The following MGAT4C variants were observed in gnomAD, a reference collection of about 807,000 sequenced individuals.
MGAT4C encodes the protein MGAT4 family member C.
A neutral mutation model predicts 40.1 loss-of-function variants in MGAT4C; 19 were observed. The observed-to-expected ratio is 0.47, with a 90% CI of 0.33 to 0.70. MGAT4C has a LOEUF of 0.70. Ranked by LOEUF, MGAT4C falls within the 30% of genes least tolerant of loss-of-function variation. The pLI is 0.02. For missense variants in MGAT4C, 491 were observed against 563.2 expected (o/e 0.87, Z 1.30); for synonymous variants, 181 against 187.1 (o/e 0.97, Z 0.27).
intron 3 of MGAT4C, among the ~76,000 whole-genome samples, chr12:86,431,370 C>T (rs1957035954): frequency 6.6e-6 from 1 of 152,098 alleles, no homozygotes. Context: ...AGTGGGCTTC[C>T]TGGAAAGCAT....
chr12:86,164,358 A>G (rs1885950454), intron 1 of MGAT4C, among the ~76,000 whole-genome samples: 1 of 152,206 alleles, frequency 6.6e-6, no homozygotes, highest in South Asian at 2.1e-4. Context: ...AATACTTTGC[A>G]AAACTGAAAC....
At chr12:85,997,224 C>T (rs1454977083) in intron 2 of MGAT4C, among the ~76,000 whole-genome samples, 1 of 152,170 alleles carries the variant, frequency 6.6e-6, no homozygotes, top group Non-Finnish European at 1.5e-5. Context: ...GACTTATTTA[C>T]TATCGTGAGA....
At chr12:86,244,897 G>A (rs1951959927) in intron 1 of MGAT4C, among the ~76,000 whole-genome samples, 1 of 152,158 alleles carries the variant, frequency 6.6e-6, no homozygotes, top group African/African-American at 2.4e-5. Flanking sequence ...AATTATAAGG[G>A]ACAGCATTTA....
intron 2 of MGAT4C, among the ~76,000 whole-genome samples, chr12:86,716,803 T>C (rs1397495473): frequency 1.3e-5 from 2 of 151,998 alleles, no homozygotes; most frequent in African/African-American, 4.8e-5. Context: ...TATTTGAAAG[T>C]TAAGTTGAGA....
intron 1 of MGAT4C, among the ~76,000 whole-genome samples, chr12:86,823,666 G>C (rs1952746368): frequency 2.0e-5 from 3 of 150,936 alleles, no homozygotes; most frequent in Non-Finnish European, 4.4e-5. Context: ...TTTTTAAAGA[G>C]AGTTAAAAGG....
chr12:86,322,597 AT>A (rs1176993398), intron 4 of MGAT4C, among the ~76,000 whole-genome samples: 11 of 151,560 alleles, frequency 7.3e-5, no homozygotes, highest in Admixed American at 2.0e-4. Context: ...TTTTATTTTT[AT>A]TTTTATTTAT....
intron 2 of MGAT4C, among the ~76,000 whole-genome samples, chr12:86,497,915 T>TACAC (rs1555196737): frequency 4.6e-4 from 65 of 141,834 alleles, no homozygotes; most frequent in African/African-American, 1.5e-3. Context: ...TATATATATA[T>TACAC]ACGCACACAC....
At chr12:86,037,407 G>A (rs777064872) in intron 2 of MGAT4C, among the ~76,000 whole-genome samples, 1 of 150,018 alleles carries the variant, frequency 6.7e-6, no homozygotes, top group Non-Finnish European at 1.5e-5. Context: ...GATATTTCCT[G>A]CTTTCTCTTG....
chr12:86,127,433 A>C (rs554642742), intron 1 of MGAT4C, among the ~76,000 whole-genome samples: 2 of 152,270 alleles, frequency 1.3e-5, no homozygotes, highest in African/African-American at 4.8e-5. Context: ...AGTAAATGTG[A>C]AGGCCTAGGA....
rs541225710 is a variant in MGAT4C, at chr12:86,609,864, T to C, written c.-229+117345A>G. ...AACATTTAAAGAGGGATGTAGAATA[T>C]ACCCCTAACATCCAGGTGATTGTCT... On this transcript the variant is annotated intron_variant, in intron 2 of 7. Coordinates refer to the MGAT4C transcript ENST00000548651. Among the ~76,000 whole-genome samples the C allele has an allele frequency of 2.0e-5, 3 of 152,048 alleles. No homozygotes were observed. The South Asian group carries it at 6.2e-4, about 32-fold the overall frequency.
chr12:86,063,740 C>T (rs919779441), intron 1 of MGAT4C, among the ~76,000 whole-genome samples: 8 of 152,092 alleles, frequency 5.3e-5, no homozygotes, highest in Non-Finnish European at 8.8e-5. Context: ...AAAAGAGCAG[C>T]GGTTGCAATC....
chr12:86,746,419 G>GA (rs1951153816), intron 1 of MGAT4C, among the ~76,000 whole-genome samples: 1 of 151,376 alleles, frequency 6.6e-6, no homozygotes, highest in East Asian at 2.0e-4. Flanking sequence ...TTTAAGGGTG[G>GA]GAAAATTACC....
upstream of MGAT4C, among the ~76,000 whole-genome samples, chr12:86,258,153 A>C (rs895857254): frequency 2.0e-5 from 3 of 152,126 alleles, no homozygotes; most frequent in Non-Finnish European, 2.9e-5. Context: ...TAATATTTCA[A>C]CTCAAAAATA....
chr12:86,165,504 T>C (rs1317255315), intron 1 of MGAT4C, among the ~76,000 whole-genome samples: 1 of 152,190 alleles, frequency 6.6e-6, no homozygotes, highest in African/African-American at 2.4e-5. Flanking sequence ...CATTTGTTCA[T>C]ATGTTCACAA....
chr12:86,107,105 T>C (rs1035774984), intron 1 of MGAT4C, among the ~76,000 whole-genome samples: 26 of 152,180 alleles, frequency 1.7e-4, no homozygotes, highest in African/African-American at 6.3e-4. Flanking sequence ...GCTTTTATAC[T>C]TACAGATTTT....
intron 1 of MGAT4C, among the ~76,000 whole-genome samples, chr12:86,057,346 T>C (rs1325230941): frequency 6.6e-6 from 1 of 152,184 alleles, no homozygotes; most frequent in African/African-American, 2.4e-5. Flanking sequence ...GAAACTCTGC[T>C]GCCAAAAGGA....
At position 86,832,108 on chromosome 12, in the gene MGAT4C, G is replaced by A. The variant is rs150369202; in HGVS notation, c.-262+6558C>T. On this transcript the variant is annotated intron_variant, in intron 1 of 7. Transcript: ENST00000548651. ...AAAAAATACTGTAGGCACATCAGAT[G>A]CATCACTGAACTTAAAAAGGAAAAC... Among the ~76,000 whole-genome samples the A allele has an allele frequency of 4.6e-3, 694 of 151,780 alleles. 2 individuals are homozygous for A. Among genetic ancestry groups the A allele is most frequent in the Non-Finnish European group, 7.8e-3 (531 of 67,800 alleles).
At chr12:86,655,269 G>T (rs1188490166) in intron 2 of MGAT4C, among the ~76,000 whole-genome samples, 2 of 151,970 alleles carry the variant, frequency 1.3e-5, no homozygotes, top group African/African-American at 4.8e-5. Flanking sequence ...CAAGGATCTA[G>T]AACAAGAAAT....
At chr12:86,493,504 G>A (rs1958177883) in intron 2 of MGAT4C, among the ~76,000 whole-genome samples, 1 of 152,042 alleles carries the variant, frequency 6.6e-6, no homozygotes, top group Admixed American at 6.6e-5. Flanking sequence ...GTTGGCACAT[G>A]GATGAAACTG....
Sources: allele counts gnomAD v4.1 joint callset (sites outside exome capture counted in the v4.1 genomes callset), GRCh38; gene constraint gnomAD v4.1.1; transcripts MANE v1.5; gene names NCBI Gene and HGNC (gene_info 2026-07-23, HGNC 2026-07-21).